Variants in UNC13C observed in about 807,000 individuals in gnomAD.
UNC13C encodes the protein unc-13 homolog C.
A neutral mutation model predicts 245.4 loss-of-function variants in UNC13C; 174 were observed. The observed-to-expected ratio is 0.71, with a 90% CI of 0.63 to 0.80. UNC13C has a LOEUF of 0.80. UNC13C is among the 30% of genes least tolerant of loss of function. The probability of loss-of-function intolerance (pLI) is 0.00; values close to 1 mark genes in which losing one functional copy is unlikely to be tolerated. For missense variants in UNC13C, 2,829 were observed against 2,602.9 expected, an observed-to-expected ratio of 1.09 and a Z score of -1.89; for synonymous variants, 992 against 895.1, an observed-to-expected ratio of 1.11 and a Z score of -1.93.
intron 18 of UNC13C, among the ~76,000 whole-genome samples, chr15:54,403,168 G>A (rs1045079976): frequency 6.6e-6 from 1 of 152,104 alleles, no homozygotes; most frequent in African/African-American, 2.4e-5. Context: ...CATCACACAC[G>A]TTATTTAGGC....
At chr15:54,281,384 A>G (rs16953182) in intron 10 of UNC13C, among the ~76,000 whole-genome samples, 25,340 of 152,194 alleles carry the variant, frequency 0.17, 2,455 homozygotes, top group African/African-American at 0.26. Context: ...ATCTTTCAGA[A>G]AAGGACAAAG....
intron 19 of UNC13C, among the ~76,000 whole-genome samples, chr15:54,474,237 T>A (rs1892608422): frequency 6.6e-6 from 1 of 151,992 alleles, no homozygotes. Flanking sequence ...TTTTAGTTTT[T>A]ATGATAAATC....
chr15:53,889,614 C>T, the UNC13C span, among the ~76,000 whole-genome samples: 1 of 152,204 alleles, frequency 6.6e-6, no homozygotes, highest in Non-Finnish European at 1.5e-5. Context: ...TGAGAGAGGG[C>T]ATCCTTGTCT....
intron 30 of UNC13C, chr15:54,609,237 C>T (rs983057378): frequency 6.6e-6 from 1 of 152,140 alleles, no homozygotes; most frequent in Non-Finnish European, 1.5e-5. Context: ...GGAATGAAGT[C>T]AGTTCTGTCT....
intron 1 of UNC13C, among the ~76,000 whole-genome samples, chr15:53,993,951 C>G (rs1239885521): frequency 6.6e-6 from 1 of 151,912 alleles, no homozygotes; most frequent in African/African-American, 2.4e-5. Flanking sequence ...TGAGAAGGAG[C>G]TTTTGATGGA....
At chr15:54,515,034 A>G (rs1001885307) in intron 24 of UNC13C, among the ~76,000 whole-genome samples, 1 of 152,188 alleles carries the variant, frequency 6.6e-6, no homozygotes, top group Non-Finnish European at 1.5e-5. Context: ...TCTGCATACA[A>G]ATCAGGGGCA....
chr15:54,080,112 T>C (rs35846544), intron 2 of UNC13C, among the ~76,000 whole-genome samples: 1 of 151,872 alleles, frequency 6.6e-6, no homozygotes, highest in Admixed American at 6.6e-5. Flanking sequence ...GTTTATGTAG[T>C]GAATTACACT....
the UNC13C span, among the ~76,000 whole-genome samples, chr15:53,842,380 G>A: frequency 0.024 from 3,615 of 152,184 alleles, 143 homozygotes; most frequent in African/African-American, 0.083. Flanking sequence ...TACCTTTGGG[G>A]AAATTATCTC....
intron 19 of UNC13C, among the ~76,000 whole-genome samples, chr15:54,422,565 C>T (rs775561063): frequency 1.3e-5 from 2 of 151,958 alleles, no homozygotes; most frequent in African/African-American, 2.4e-5. Context: ...GTTCCTCTCA[C>T]TCAAATGTAG....
the UNC13C span, among the ~76,000 whole-genome samples, chr15:53,888,393 A>G: frequency 5.9e-5 from 9 of 151,876 alleles, no homozygotes; most frequent in Non-Finnish European, 8.8e-5. Context: ...CCAATTTTTA[A>G]TAGAGTTTTT....
At chr15:54,141,948 G>T in intron 2 of UNC13C, among the ~76,000 whole-genome samples, 1 of 152,070 alleles carries the variant, frequency 6.6e-6, no homozygotes, top group East Asian at 1.9e-4. Flanking sequence ...TGAGCTACAT[G>T]ACCTTGGACA....
intron 2 of UNC13C, among the ~76,000 whole-genome samples, chr15:54,064,564 C>T (rs757157159): frequency 6.6e-6 from 1 of 152,194 alleles, no homozygotes; most frequent in Non-Finnish European, 1.5e-5. Context: ...ATGCTGCTAA[C>T]GTGAACCAGA....
At chr15:53,969,441 G>T in the UNC13C span, among the ~76,000 whole-genome samples, 1 of 152,044 alleles carries the variant, frequency 6.6e-6, no homozygotes, top group Non-Finnish European at 1.5e-5. Context: ...AATACATTTT[G>T]GGAGGCTGAG....
intron 17 of UNC13C, among the ~76,000 whole-genome samples, chr15:54,343,432 C>G (rs1327593669): frequency 6.6e-6 from 1 of 152,154 alleles, no homozygotes; most frequent in Admixed American, 6.5e-5. Flanking sequence ...CGCGCCTGGC[C>G]CCATGCATAA....
Position 54,500,060 on chromosome 15 carries a change from C to T in UNC13C, c.5061-19C>T. The T allele has an allele frequency of 6.4e-7, 1 of 1,566,270 alleles. No homozygotes were observed. The highest frequency in any genetic ancestry group is 1.9e-5 in the Admixed American group (1 of 53,512). ...AAATGATGTCCTTTGTGGTATGTAA[C>T]ATTATTAATTTGTTATAGGTGGTTT... On this transcript the variant is annotated intron_variant, in intron 20 of 32. Coordinates refer to ENST00000260323, the MANE Select transcript of UNC13C (RefSeq NM_001080534.3).
intron 17 of UNC13C, among the ~76,000 whole-genome samples, chr15:54,344,806 G>T (rs1174422876): frequency 2.0e-5 from 3 of 152,044 alleles, no homozygotes; most frequent in African/African-American, 7.2e-5. Flanking sequence ...AATATATCCA[G>T]AATCAGACCA....
At chr15:54,508,262 C>G (rs1894573372) in intron 23 of UNC13C, among the ~76,000 whole-genome samples, 1 of 151,546 alleles carries the variant, frequency 6.6e-6, no homozygotes, top group South Asian at 2.1e-4. Context: ...CTGATAATTT[C>G]ACAAAAGGAT....
At chr15:54,152,639 C>A (rs915093728) in intron 4 of UNC13C, among the ~76,000 whole-genome samples, 51 of 152,058 alleles carry the variant, frequency 3.4e-4, no homozygotes, top group South Asian at 2.1e-4. Context: ...TAAAGTGGTG[C>A]AAGTTTAGTA....
intron 2 of UNC13C, among the ~76,000 whole-genome samples, chr15:54,138,886 C>T (rs538072537): frequency 2.1e-5 from 3 of 144,690 alleles, no homozygotes; most frequent in African/African-American, 7.7e-5. Context: ...AATTGCTTGG[C>T]TTGTGGAAGC....
Sources: gnomAD v4.1 joint callset for allele counts (sites outside exome capture counted in the v4.1 genomes callset) on GRCh38, gnomAD v4.1.1 for gene constraint, MANE v1.5 for transcripts, NCBI Gene and HGNC (gene_info 2026-07-23, HGNC 2026-07-21) for gene names.